The following CUX2 variants were observed in gnomAD, a reference collection of about 807,000 sequenced individuals.
The protein encoded by CUX2 is homeobox protein cut-like 2.
Under a neutral mutation model 144.8 loss-of-function variants are expected in CUX2, and 40 were observed. The observed-to-expected ratio is 0.28, with a 90% CI of 0.21 to 0.36. The LOEUF (loss-of-function observed/expected upper bound fraction) is 0.36, where lower values mean the gene tolerates loss of function less well. CUX2 is among the 10% of genes least tolerant of loss of function. The pLI, the probability that CUX2 is intolerant of heterozygous loss-of-function variation, is 1.00. For synonymous variants in CUX2, 827 were observed against 875.6 expected, an observed-to-expected ratio of 0.94 and a Z score of 0.98; for missense variants, 1,615 against 1,994.0, an observed-to-expected ratio of 0.81 and a Z score of 3.62.
chr12:111,345,525 C>T lies in CUX2; in HGVS notation c.3660-1999C>T, dbSNP rs530662988. ...TTGGGAGGCCAAGGCGGGTGGGTCA[C>T]GAGGTCAGGAGATCGAGACCATCCT... On this transcript the variant is annotated intron_variant, in intron 21 of 21. Transcript: ENST00000261726. Among the ~76,000 whole-genome samples the T allele has an allele frequency of 2.7e-5, 4 of 150,488 alleles. No individual in the cohort carries two copies. The South Asian group carries it at 6.3e-4, about 24-fold the overall frequency.
chr12:111,302,992 C>A (rs1178177942), intron 9 of CUX2, among the ~76,000 whole-genome samples: 1 of 151,322 alleles, frequency 6.6e-6, no homozygotes, highest in African/African-American at 2.4e-5. Context: ...GAAGCCAAGG[C>A]AAGTGGGTTA....
intron 1 of CUX2, among the ~76,000 whole-genome samples, chr12:111,076,705 T>A (rs1353600028): frequency 1.3e-5 from 2 of 152,230 alleles, no homozygotes; most frequent in Non-Finnish European, 2.9e-5. Context: ...TCGAGAGTCT[T>A]ATATTTTCCC....
At chr12:111,283,743 G>A (rs1885244201) in intron 4 of CUX2, among the ~76,000 whole-genome samples, 2 of 152,124 alleles carry the variant, frequency 1.3e-5, no homozygotes, top group Admixed American at 1.3e-4. Flanking sequence ...CCCAATTTCT[G>A]TATTTTTAGT....
chr12:111,282,900 G>A (rs1158488073), intron 4 of CUX2, among the ~76,000 whole-genome samples: 3 of 151,978 alleles, frequency 2.0e-5, no homozygotes, highest in African/African-American at 7.2e-5. Flanking sequence ...AGAAAGTCAG[G>A]GATGCTTCTG....
intron 9 of CUX2, 70 bp downstream of exon 9, chr12:111,298,659 G>A: frequency 7.1e-7 from 1 of 1,408,534 alleles, no homozygotes; most frequent in South Asian, 1.2e-5. Flanking sequence ...TCTCGGGCCA[G>A]ATGAGGAGGA....
At chr12:111,157,158 A>T (rs1877447283) in intron 1 of CUX2, among the ~76,000 whole-genome samples, 1 of 150,558 alleles carries the variant, frequency 6.6e-6, no homozygotes, top group African/African-American at 2.5e-5. Context: ...ATCAGAACAG[A>T]CTTTGAGGGA....
At chr12:111,079,893 C>T (rs1038192456) in intron 1 of CUX2, among the ~76,000 whole-genome samples, 1 of 152,130 alleles carries the variant, frequency 6.6e-6, no homozygotes, top group African/African-American at 2.4e-5. Context: ...TCATCTTAAT[C>T]CAGGCGCAGC....
chr12:111,211,983 C>A (rs1244258331), intron 1 of CUX2, among the ~76,000 whole-genome samples: 1 of 151,924 alleles, frequency 6.6e-6, no homozygotes, highest in East Asian at 1.9e-4. Context: ...ATGTGAAAAT[C>A]ACATCTTTGT....
intron 1 of CUX2, among the ~76,000 whole-genome samples, chr12:111,181,020 G>T (rs887472901): frequency 4.6e-5 from 7 of 152,140 alleles, no homozygotes; most frequent in African/African-American, 1.7e-4. Flanking sequence ...ATTTATTATC[G>T]ACTGCGCCGG....
intron 1 of CUX2, among the ~76,000 whole-genome samples, chr12:111,127,704 G>A (rs1314472761): frequency 4.6e-5 from 7 of 152,136 alleles, no homozygotes; most frequent in South Asian, 2.1e-4. Flanking sequence ...CTGTTCTCAC[G>A]CTGCTAAGAG....
At chr12:111,212,071 T>C (rs1405831734) in intron 1 of CUX2, among the ~76,000 whole-genome samples, 1 of 152,112 alleles carries the variant, frequency 6.6e-6, no homozygotes, top group African/African-American at 2.4e-5. Context: ...CCCTCCAGTT[T>C]TTTTCTCTCC....
chr12:111,208,715 A>T (rs7952972), intron 1 of CUX2, among the ~76,000 whole-genome samples: 40,699 of 152,066 alleles, frequency 0.27, 7,137 homozygotes, highest in East Asian at 0.6. Context: ...CAGTAGAGCC[A>T]GTGTTAGAAG....
At chr12:111,200,916 G>C (rs977461136) in intron 1 of CUX2, among the ~76,000 whole-genome samples, 3 of 152,158 alleles carry the variant, frequency 2.0e-5, no homozygotes, top group African/African-American at 7.2e-5. Flanking sequence ...GGAAGAAATT[G>C]CATCTACTGG....
chr12:111,135,660 T>C (rs911963793), intron 1 of CUX2, among the ~76,000 whole-genome samples: 1 of 152,252 alleles, frequency 6.6e-6, no homozygotes, highest in African/African-American at 2.4e-5. Flanking sequence ...TGAAAAAGAA[T>C]GCATCTCTGA....
At chr12:111,334,804 C>G in intron 19 of CUX2, 94 bp downstream of exon 19, 1 of 1,368,240 alleles carries the variant, frequency 7.3e-7, no homozygotes. Flanking sequence ...CCCAGTGGCT[C>G]ATACCTGTAA....
intron 1 of CUX2, among the ~76,000 whole-genome samples, chr12:111,075,943 C>G (rs182066905): frequency 6.6e-6 from 1 of 152,090 alleles, no homozygotes; most frequent in Non-Finnish European, 1.5e-5. Flanking sequence ...AGCAGGTGGC[C>G]GGGAACTGTG....
At position 111,313,785 on chromosome 12, in the gene CUX2, G is replaced by A. The variant is rs145753904; in HGVS notation, c.2002+1584G>A. Among the ~76,000 whole-genome samples the A allele has an allele frequency of 2.9e-3, 442 of 152,242 alleles. 4 individuals carry two copies. Among genetic ancestry groups the A allele is most frequent in the African/African-American group, 0.01 (427 of 41,554 alleles). On this transcript the variant is annotated intron_variant, in intron 16 of 21. Transcript: ENST00000261726. ...TATTACCTCCCTGTTGCAGTTCTGCGCTGTCACAAACGACTCTGCTGGTGT... is the reference window on the plus strand; with the variant it reads ...TATTACCTCCCTGTTGCAGTTCTGCACTGTCACAAACGACTCTGCTGGTGT...
At chr12:111,058,336 T>C (rs1442555036) in intron 1 of CUX2, among the ~76,000 whole-genome samples, 1 of 152,248 alleles carries the variant, frequency 6.6e-6, no homozygotes, top group Non-Finnish European at 1.5e-5. Context: ...CTCCATGATC[T>C]TAAAAATTGT....
chr12:111,287,721 G>A lies in CUX2; in HGVS notation c.302-3697G>A, dbSNP rs947219615. Among the ~76,000 whole-genome samples the A allele has an allele frequency of 1.3e-5, 2 of 152,342 alleles. No individual in the cohort carries two copies. The highest frequency in any genetic ancestry group is 2.1e-4 in the South Asian group (1 of 4,830). ...AGATGAAAGCCACCGCCGCCTTCCC[G>A]CGCACCTGCTTACCTCGGCATGGAC... On this transcript the variant is annotated intron_variant, in intron 4 of 21. Transcript: ENST00000261726. This position sits in a 1 kb window ranked among gnomAD's most constrained non-coding sequence, Gnocchi z 4.2.
Sources: gnomAD v4.1 joint callset for allele counts (sites outside exome capture counted in the v4.1 genomes callset) on GRCh38, gnomAD v4.1.1 for gene constraint, Gnocchi (gnomAD v3.1) non-coding constraint, MANE v1.5 for transcripts, NCBI Gene and HGNC (gene_info 2026-07-23, HGNC 2026-07-21) for gene names.